NRG1: variants seen among roughly 807,000 people sequenced by gnomAD.
NRG1 encodes the protein neuregulin 1, also known as pro-neuregulin-1, membrane-bound isoform.
A neutral mutation model predicts 63.8 loss-of-function variants in NRG1; 18 were observed. The ratio of observed to expected loss-of-function variants is 0.28; its 90% CI spans 0.19 to 0.42. The LOEUF (loss-of-function observed/expected upper bound fraction) is 0.42, where lower values mean the gene tolerates loss of function less well. Ranked by LOEUF, NRG1 falls within the 10% of genes least tolerant of loss-of-function variation. The probability of loss-of-function intolerance (pLI) is 1.00; values close to 1 mark genes in which losing one functional copy is unlikely to be tolerated. For missense variants in NRG1, 762 were observed against 814.7 expected (o/e 0.94, Z 0.79); for synonymous variants, 302 against 301.3 (o/e 1.00, Z -0.02).
chr8:32,569,068 G>A (rs969415084), intron 1 of NRG1, among the ~76,000 whole-genome samples: 1 of 151,442 alleles, frequency 6.6e-6, no homozygotes, highest in African/African-American at 2.4e-5. Context: ...TTTGTTTTTT[G>A]AGACAGCATC....
intron 1 of NRG1, among the ~76,000 whole-genome samples, chr8:32,163,738 T>G (rs927099302): frequency 9.9e-5 from 15 of 152,190 alleles, no homozygotes; most frequent in Non-Finnish European, 1.9e-4. Context: ...CAGACATAAC[T>G]TGCAAAGGTG....
At chr8:32,128,152 C>T (rs1192549802) in intron 1 of NRG1, among the ~76,000 whole-genome samples, 1 of 151,882 alleles carries the variant, frequency 6.6e-6, no homozygotes, top group Non-Finnish European at 1.5e-5. Flanking sequence ...CCTCCCTGAA[C>T]CTGGGAACTA....
chr8:32,061,429 C>T (rs1387777892), intron 1 of NRG1, among the ~76,000 whole-genome samples: 1 of 151,822 alleles, frequency 6.6e-6, no homozygotes, highest in African/African-American at 2.4e-5. Context: ...TTTTTCTGAG[C>T]TTCCTTTACC....
chr8:32,102,169 A>T (rs537697584), intron 1 of NRG1, among the ~76,000 whole-genome samples: 1 of 152,246 alleles, frequency 6.6e-6, no homozygotes, highest in East Asian at 1.9e-4. Context: ...ACAGAGTCTC[A>T]CTCTGTTGCC....
At chr8:32,427,982 G>A (rs1376216728) in intron 1 of NRG1, among the ~76,000 whole-genome samples, 1 of 152,212 alleles carries the variant, frequency 6.6e-6, no homozygotes. Context: ...AACAACGGAA[G>A]TTTATTTTCT....
At chr8:32,680,877 T>C (rs964257332) in intron 5 of NRG1, among the ~76,000 whole-genome samples, 2 of 152,104 alleles carry the variant, frequency 1.3e-5, no homozygotes, top group African/African-American at 4.8e-5. Flanking sequence ...ATGACCTAGG[T>C]ATTTTTTTTT....
At position 32,104,464 on chromosome 8, in the gene NRG1, A is replaced by G. The variant is rs577367033; in HGVS notation, c.37+465033A>G. ...CACTACTGTAGACTTTATAAACACT[A>G]TATTTAGGCTACCTATATTTATAGA... On this transcript the variant is annotated intron_variant, in intron 1 of 10. Transcript: ENST00000519301. Among the ~76,000 whole-genome samples, 6 of 152,238 alleles carry G rather than the reference A, an allele frequency of 3.9e-5. No homozygotes were observed. The East Asian group carries it at 9.7e-4, about 25-fold the overall frequency.
At chr8:32,334,140 A>G (rs923077476) in intron 1 of NRG1, among the ~76,000 whole-genome samples, 5 of 152,136 alleles carry the variant, frequency 3.3e-5, no homozygotes, top group Admixed American at 3.3e-4. Context: ...CACTTACAAG[A>G]CTGTTTTTTT....
chr8:31,872,472 T>C (rs1014945080), intron 1 of NRG1, among the ~76,000 whole-genome samples: 2 of 152,228 alleles, frequency 1.3e-5, no homozygotes, highest in Non-Finnish European at 2.9e-5. Flanking sequence ...TTTTTCATTT[T>C]CCTGGTGGCA....
At chr8:32,122,270 A>AC (rs142974123) in intron 1 of NRG1, among the ~76,000 whole-genome samples, 3,040 of 152,104 alleles carry the variant, frequency 0.02, 41 homozygotes, top group African/African-American at 0.034. Flanking sequence ...GCTCTAAGCT[A>AC]CTGGTTCTCA....
Position 32,431,192 on chromosome 8 carries a change from TTCTA to T in NRG1, c.38-164630_38-164627del, listed in dbSNP as rs1818101114. Among the ~76,000 whole-genome samples, 7 of 152,298 alleles carry T rather than the reference TTCTA, an allele frequency of 4.6e-5. No homozygotes were observed. The South Asian group carries it at 1.5e-3, about 32-fold the overall frequency. On this transcript the variant is annotated intron_variant, in intron 1 of 10. Coordinates refer to the NRG1 transcript ENST00000519301. The stretch of plus-strand genomic sequence containing the variant: ...GATCTTTCTGATTCTAGAGCGTATG[TTCTA>T]TCTATGAAGCTCTTACCGATTTTAT...
chr8:32,594,158 TTCCCTGAGTAGG>T (rs1295374418), intron 1 of NRG1, among the ~76,000 whole-genome samples: 2 of 152,158 alleles, frequency 1.3e-5, no homozygotes, highest in African/African-American at 2.4e-5. Flanking sequence ...ACAAATAGAG[TTCCCTGAGTAGG>T]AAAGGTCTCC....
intron 1 of NRG1, among the ~76,000 whole-genome samples, chr8:31,648,465 C>G (rs1447726108): frequency 6.6e-6 from 1 of 152,082 alleles, no homozygotes; most frequent in Non-Finnish European, 1.5e-5. Flanking sequence ...CAGCAGTATT[C>G]AATACATTCG....
rs1847447085 is a variant in NRG1, at chr8:32,616,778, T to C, written c.452-57T>C. On this transcript the variant is annotated intron_variant, in intron 4 of 11. Coordinates refer to ENST00000356819, the Ensembl canonical transcript of NRG1. ...TACCCAAGCCTGGCAAATTTCTAAT[T>C]TATGAGTCCAAGCAGCATGACTCAA... 8 of 1,412,670 alleles carry C rather than the reference T, an allele frequency of 5.7e-6. No homozygotes were observed. In the East Asian group the frequency reaches 1.8e-4, roughly 32 times the overall value. The allele number at this position is 1,412,670 out of a possible 1,614,324, so 87.5% of individuals were successfully genotyped here. A position where few individuals can be genotyped will look rare whatever the true frequency, so the allele number is the denominator to read the frequency against.
intron 1 of NRG1, among the ~76,000 whole-genome samples, chr8:32,181,201 C>G (rs1268194999): frequency 6.6e-6 from 1 of 152,176 alleles, no homozygotes; most frequent in Non-Finnish European, 1.5e-5. Flanking sequence ...TTGGGAGGAT[C>G]TCTAGATCCC....
At chr8:31,901,878 C>T (rs948441963) in intron 1 of NRG1, among the ~76,000 whole-genome samples, 3 of 152,154 alleles carry the variant, frequency 2.0e-5, no homozygotes, top group Non-Finnish European at 4.4e-5. Context: ...ACTCTTAATA[C>T]ATGTATCTAT....
intron 1 of NRG1, among the ~76,000 whole-genome samples, chr8:31,805,547 G>A (rs1822182705): frequency 6.6e-6 from 1 of 151,902 alleles, no homozygotes; most frequent in African/African-American, 2.4e-5. Context: ...AGTGAATACC[G>A]GCCGGGCGCG....
At chr8:32,173,429 C>G (rs1036064768) in intron 1 of NRG1, among the ~76,000 whole-genome samples, 3 of 152,160 alleles carry the variant, frequency 2.0e-5, no homozygotes, top group Admixed American at 6.6e-5. Flanking sequence ...GAAACTGCAT[C>G]CACTAACGAG....
chr8:31,766,407 T>G (rs1818064448), intron 1 of NRG1, among the ~76,000 whole-genome samples: 2 of 152,138 alleles, frequency 1.3e-5, no homozygotes, highest in South Asian at 4.2e-4. Context: ...AAGAGAAAAG[T>G]GTATATGTTT....
Sources: allele counts gnomAD v4.1 joint callset (sites outside exome capture counted in the v4.1 genomes callset), GRCh38; gene constraint gnomAD v4.1.1; transcripts MANE v1.5; gene names NCBI Gene and HGNC (gene_info 2026-07-23, HGNC 2026-07-21).